The following CCNK variants were observed in gnomAD, a reference collection of about 807,000 sequenced individuals.
CCNK encodes cyclin-K.
CCNK carries 9 observed loss-of-function variants against 65.0 expected under a neutral mutation model. The observed-to-expected ratio is 0.14, with a 90% CI of 0.08 to 0.24. CCNK has a LOEUF of 0.24. Among genes scored for constraint, CCNK ranks in the 10% least tolerant of loss-of-function variants. The probability of loss-of-function intolerance (pLI) is 1.00; values close to 1 mark genes in which losing one functional copy is unlikely to be tolerated. For synonymous variants in CCNK, 279 were observed against 270.8 expected (o/e 1.03, Z -0.30); for missense variants, 474 against 720.0 (o/e 0.66, Z 3.91).
intron 5 of CCNK, chr14:99,501,091 C>G (rs956838107): frequency 3.0e-5 from 18 of 599,088 alleles, no homozygotes; most frequent in African/African-American, 5.6e-5. Flanking sequence ...ATGGGAGAGG[C>G]AGGAAAATGA....
At chr14:99,495,973 A>G (rs1896692211) in intron 4 of CCNK, among the ~76,000 whole-genome samples, 1 of 152,134 alleles carries the variant, frequency 6.6e-6, no homozygotes, top group Admixed American at 6.5e-5. Flanking sequence ...CTTCTGGGTC[A>G]AACAAAAGTA....
At position 99,502,828 on chromosome 14, in the gene CCNK, G is replaced by A; in HGVS notation, c.855G>A (p.Val285=). 6.2e-7 allele frequency: 1 copy of A among 1,613,460 alleles called. No homozygotes were observed. The highest frequency in any genetic ancestry group is 1.1e-5 in the South Asian group (1 of 91,036). The part of the protein sequence containing the change: ...QPPSLQPTPQ[V]PQVQQSQPSQ... ...CATCTCTTCAGCCTACACCACAAGT[G>A]CCGCAAGTACAGCAGTCACAGCCGT... The change falls in exon 8 of 11, where the codon GTG becomes GTA. Residue 285 remains valine (V), a synonymous_variant. Coordinates refer to ENST00000389879, the MANE Select transcript of CCNK (RefSeq NM_001099402.2).
chr14:99,482,113 C>T (rs192548362), intron 1 of CCNK, among the ~76,000 whole-genome samples: 2 of 152,328 alleles, frequency 1.3e-5, no homozygotes, highest in East Asian at 3.9e-4. Context: ...AGCTCCTAAA[C>T]GATTGTCTGC....
At chr14:99,502,131 A>AT in intron 6 of CCNK, 76 bp from the exon 7 acceptor site, 1 of 1,427,104 alleles carries the variant, frequency 7.0e-7, no homozygotes, top group East Asian at 2.5e-5. Context: ...ATGGTTAGTT[A>AT]TGGCATCTCC....
At chr14:99,497,392 ATAG>A (rs1422638141) in intron 4 of CCNK, among the ~76,000 whole-genome samples, 2 of 152,206 alleles carry the variant, frequency 1.3e-5, no homozygotes, top group Non-Finnish European at 2.9e-5. Context: ...GTGCATTTAG[ATAG>A]TAGTATCCAT....
intron 5 of CCNK, 58 bp downstream of exon 5, chr14:99,500,929 G>C: frequency 9.5e-7 from 1 of 1,049,890 alleles, no homozygotes; most frequent in South Asian, 1.5e-5. Flanking sequence ...TTTATAATTT[G>C]ATGACACTCA....
At chr14:99,485,076 C>G (rs1896450818) in intron 1 of CCNK, among the ~76,000 whole-genome samples, 1 of 152,146 alleles carries the variant, frequency 6.6e-6, no homozygotes, top group Admixed American at 6.5e-5. Context: ...GTTTATAGAC[C>G]TGAGGCAAAA....
intron 8 of CCNK, chr14:99,503,260 C>A: frequency 1.6e-6 from 1 of 639,850 alleles, no homozygotes; most frequent in Non-Finnish European, 2.8e-6. Flanking sequence ...GGTGTCGTTG[C>A]CGTGTCCTAG....
intron 3 of CCNK, chr14:99,494,300 T>C (rs911967655): frequency 1.3e-4 from 20 of 151,968 alleles, no homozygotes; most frequent in Admixed American, 9.2e-4. Flanking sequence ...AGGAAGGAAA[T>C]GATGAGACCC....
At chr14:99,504,366 T>C (rs1303665571) in intron 9 of CCNK, 1 of 152,894 alleles carries the variant, frequency 6.5e-6, no homozygotes, top group Non-Finnish European at 1.5e-5. Context: ...TTCATTAAAC[T>C]GCTGTGAAAT....
chr14:99,498,760 G>A (rs1896755662), intron 4 of CCNK, among the ~76,000 whole-genome samples: 2 of 152,148 alleles, frequency 1.3e-5, no homozygotes, highest in African/African-American at 4.8e-5. Flanking sequence ...TGCTGTGATA[G>A]CATTCCACCC....
Position 99,507,109 on chromosome 14 carries a change from C to T in CCNK, c.1079C>T (p.Thr360Ile). ...PPPPKIPKIE[T>I]THPPLPPAHP... The stretch of plus-strand genomic sequence containing the variant: ...CCACCTAAAATCCCCAAAATTGAGA[C>T]CACTCATCCACCGTTGCCTCCAGCC... Residue 360 changes from threonine (T) to isoleucine (I), a missense_variant, in exon 10 of 11, where the codon ACC becomes ATC. This residue lies in a region of CCNK where 229 missense variants were observed against 275.5 expected (regional missense o/e 0.83). Coordinates refer to ENST00000389879, the MANE Select transcript of CCNK (RefSeq NM_001099402.2). The T allele has an allele frequency of 6.2e-7, 1 of 1,612,314 alleles. No homozygotes were observed. Among genetic ancestry groups the T allele is most frequent in the East Asian group, 2.2e-5 (1 of 44,880 alleles).
At chr14:99,492,403 A>G (rs1896614917) in intron 1 of CCNK, 1 of 350,366 alleles carries the variant, frequency 2.9e-6, no homozygotes, top group Admixed American at 5.0e-5. Flanking sequence ...AAATAGTCTT[A>G]TTTTTAAACT....
rs113439510 is a variant in CCNK at position 99,486,161 on chromosome 14, T to C, written c.-53+4682T>C. Reference sequence around the variant, plus strand: ...AGTTCCTTGTCCTTTAACTTTTCTTTAGCATTTGTCACTGTTGACTACCAT... The same window carrying C: ...AGTTCCTTGTCCTTTAACTTTTCTTCAGCATTTGTCACTGTTGACTACCAT... On this transcript the variant is annotated intron_variant, in intron 1 of 10. Transcript: ENST00000389879. 3.3e-5 allele frequency among the ~76,000 whole-genome samples: 5 copies of C among 152,336 alleles called. 1 individual carries two copies. The highest frequency in any genetic ancestry group is 1.2e-4 in the African/African-American group (5 of 41,564).
In CCNK at chr14:99,512,317, G is replaced by A. The variant is rs1213007672; in HGVS notation, c.*1535G>A. 1 of 151,846 alleles carries A rather than the reference G, an allele frequency of 6.6e-6. No homozygotes were observed. Among genetic ancestry groups the A allele is most frequent in the Non-Finnish European group, 1.5e-5 (1 of 68,008 alleles). 9.4% of individuals were successfully genotyped at this position (151,846 alleles called of 1,614,324 possible). A position where few individuals can be genotyped will look rare whatever the true frequency, so the allele number is the denominator to read the frequency against. On this transcript the variant is annotated 3_prime_UTR_variant, in exon 11 of 11. Coordinates refer to ENST00000389879, the MANE Select transcript of CCNK (RefSeq NM_001099402.2). ...AAATAGACGTAGCTGCCGGGCCCGG[G>A]GACAGAAACCAGACGTTCCAGTCCA... is the stretch of plus-strand genomic sequence containing the variant.
chr14:99,484,056 A>C (rs1242473783), intron 1 of CCNK, among the ~76,000 whole-genome samples: 1 of 152,236 alleles, frequency 6.6e-6, no homozygotes, highest in Non-Finnish European at 1.5e-5. Flanking sequence ...AAAATAAATA[A>C]ATTTACTTGG....
intron 1 of CCNK, among the ~76,000 whole-genome samples, chr14:99,490,796 C>T (rs992538074): frequency 6.6e-6 from 1 of 151,916 alleles, no homozygotes; most frequent in Non-Finnish European, 1.5e-5. Context: ...GGCGTGGTGG[C>T]GGGCGCCTGT....
intron 9 of CCNK, chr14:99,505,685 A>G (rs1896956212): frequency 6.6e-6 from 1 of 152,104 alleles, no homozygotes; most frequent in Admixed American, 6.5e-5. Context: ...GGGTGACCCC[A>G]TCACTACACA....
At chr14:99,503,085 A>T (rs1485598337) in intron 8 of CCNK, 101 bp downstream of exon 8, 6 of 1,338,614 alleles carry the variant, frequency 4.5e-6, no homozygotes, top group Non-Finnish European at 6.4e-6. Context: ...GAACACCGGA[A>T]GCAGGGGGTG....
Sources: gnomAD v4.1 joint callset for allele counts (sites outside exome capture counted in the v4.1 genomes callset) on GRCh38, gnomAD v4.1.1 for gene constraint, gnomAD v4.1.1 regional missense constraint, MANE v1.5 for transcripts, NCBI Gene and HGNC (gene_info 2026-07-23, HGNC 2026-07-21) for gene names.